ADAM22: variants seen among roughly 807,000 people sequenced by gnomAD.
ADAM22 encodes the protein disintegrin and metalloproteinase domain-containing protein 22.
Under a neutral mutation model 144.6 loss-of-function variants are expected in ADAM22, and 65 were observed. The ratio of observed to expected loss-of-function variants is 0.45; its 90% CI spans 0.37 to 0.55. ADAM22 has a LOEUF of 0.55. ADAM22 is among the 20% of genes least tolerant of loss of function. ADAM22 has a pLI of 0.00. For synonymous variants in ADAM22, 391 were observed against 412.6 expected, an observed-to-expected ratio of 0.95 and a Z score of 0.63; for missense variants, 974 against 1,184.9, an observed-to-expected ratio of 0.82 and a Z score of 2.61.
At chr7:88,125,685 G>A (rs765254626) in intron 8 of ADAM22, 26 bp downstream of exon 8, 2 of 1,530,404 alleles carry the variant, frequency 1.3e-6, no homozygotes, top group Non-Finnish European at 1.8e-6. Context: ...GGTGTGTCGT[G>A]TTATTTTAAA....
intron 4 of ADAM22, among the ~76,000 whole-genome samples, chr7:88,094,293 G>A (rs148513757): frequency 2.5e-3 from 377 of 152,282 alleles, no homozygotes; most frequent in African/African-American, 8.7e-3. Context: ...AGACTTTCTT[G>A]AGGAAATGAT....
At chr7:87,985,874 TGCTAA>T (rs1209638034) in intron 3 of ADAM22, among the ~76,000 whole-genome samples, 1 of 152,192 alleles carries the variant, frequency 6.6e-6, no homozygotes, top group Non-Finnish European at 1.5e-5. Flanking sequence ...CTTTGAGAAA[TGCTAA>T]GCTATTTTCC....
intron 2 of ADAM22, chr7:87,964,622 A>T: frequency 4.8e-6 from 2 of 418,488 alleles, no homozygotes; most frequent in Admixed American, 2.9e-5. Flanking sequence ...TACTCATTTA[A>T]TTTTTTTTTA....
intron 25 of ADAM22, 26 bp from the exon 26 acceptor site, chr7:88,171,518 C>T (rs982545275): frequency 2.5e-5 from 39 of 1,582,376 alleles, no homozygotes; most frequent in Non-Finnish European, 3.2e-5. Context: ...ATGTTTTTCC[C>T]TCTTTCTCTT....
At chr7:87,960,388 G>A (rs1281189979) in intron 2 of ADAM22, among the ~76,000 whole-genome samples, 2 of 151,648 alleles carry the variant, frequency 1.3e-5, no homozygotes. Flanking sequence ...GTGTGTGTGT[G>A]TGTGTGTGTC....
intron 3 of ADAM22, among the ~76,000 whole-genome samples, chr7:88,059,031 T>C (rs376081267): frequency 4.6e-5 from 7 of 152,282 alleles, no homozygotes; most frequent in African/African-American, 1.7e-4. Context: ...CAGGAGGGTG[T>C]ACTGATTTCT....
chr7:88,127,187 A>AT (rs1399889218), intron 8 of ADAM22, among the ~76,000 whole-genome samples: 3 of 151,900 alleles, frequency 2.0e-5, no homozygotes, highest in Non-Finnish European at 4.4e-5. Flanking sequence ...GTGAAACAGT[A>AT]TTTTTTTGAA....
chr7:88,119,581 T>TG (rs1828720447), intron 7 of ADAM22, among the ~76,000 whole-genome samples: 1 of 152,080 alleles, frequency 6.6e-6, no homozygotes, highest in Admixed American at 6.5e-5. Context: ...CTCTGCCCCC[T>TG]GGGTTCAAGC....
chr7:88,012,291 A>G (rs1795621007), intron 3 of ADAM22, among the ~76,000 whole-genome samples: 1 of 152,116 alleles, frequency 6.6e-6, no homozygotes, highest in South Asian at 2.1e-4. Flanking sequence ...TAACCTAGTA[A>G]TCATAAATTC....
chr7:87,971,976 G>T (rs1159218906), intron 2 of ADAM22, among the ~76,000 whole-genome samples: 1 of 152,192 alleles, frequency 6.6e-6, no homozygotes, highest in Non-Finnish European at 1.5e-5. Flanking sequence ...GGATCACGAG[G>T]TCAGGAGATC....
intron 2 of ADAM22, among the ~76,000 whole-genome samples, chr7:87,936,751 TTAC>T (rs1339924630): frequency 1.3e-5 from 2 of 152,014 alleles, no homozygotes; most frequent in Admixed American, 6.6e-5. Flanking sequence ...GAGTAATTTC[TTAC>T]TACTATCAAA....
rs1554478727 is a variant in ADAM22, at chr7:88,113,703, A to AATGTGTATATATATATATATAT, written c.474-879_474-878insGTGTATATATATATATATATAT. ...TATATATATTATAAATAAATAAATA[A>AATGTGTATATATATATATATAT]ATATATATATATATATATATATATA... On this transcript the variant is annotated intron_variant, in intron 5 of 31. Transcript: ENST00000413139. 2.3e-4 allele frequency among the ~76,000 whole-genome samples: 11 copies of AATGTGTATATATATATATATAT among 48,108 alleles called. 1 individual carries two copies. Among genetic ancestry groups the AATGTGTATATATATATATATAT allele is most frequent in the East Asian group, 1.4e-3 (1 of 720 alleles). The allele number at this position is 48,108 out of a possible 152,430, so 31.6% of individuals were successfully genotyped here. A position where few individuals can be genotyped will look rare whatever the true frequency, so the allele number is the denominator to read the frequency against.
rs760053360 is a variant in ADAM22 at position 87,934,561 on chromosome 7, C to A, written c.85+11C>A. ...GCTGCGGCCAGGCAGGTAAGTTAGC[C>A]GTCCTCTGTGCCTTTGGGCCATACC... On this transcript the variant is annotated intron_variant, in intron 1 of 31. Transcript: ENST00000413139. The A allele has an allele frequency of 1.1e-5, 17 of 1,603,520 alleles. No homozygotes were observed. The Admixed American group carries it at 1.2e-4, about 11-fold the overall frequency.
At chr7:88,131,609 G>T (rs1586017252) in intron 11 of ADAM22, 174 bp downstream of exon 11, 1 of 581,246 alleles carries the variant, frequency 1.7e-6, no homozygotes, top group Non-Finnish European at 3.0e-6. Flanking sequence ...CCATGAAAAT[G>T]TAAAAGTTTT....
At chr7:88,034,165 C>T (rs1800951138) in intron 3 of ADAM22, among the ~76,000 whole-genome samples, 1 of 152,168 alleles carries the variant, frequency 6.6e-6, no homozygotes, top group South Asian at 2.1e-4. Flanking sequence ...GAAGTCAGCA[C>T]ATCTCAGAGT....
chr7:88,111,851 G>A (rs1025838981), intron 5 of ADAM22, among the ~76,000 whole-genome samples: 1 of 152,084 alleles, frequency 6.6e-6, no homozygotes, highest in Non-Finnish European at 1.5e-5. Context: ...GCAATCTAGA[G>A]TCTTCTGAGA....
chr7:88,182,858 A>G (rs1197099600), intron 29 of ADAM22, among the ~76,000 whole-genome samples: 6 of 152,102 alleles, frequency 3.9e-5, no homozygotes, highest in African/African-American at 1.4e-4. Flanking sequence ...TATCCTTCCT[A>G]AAATTTTTTA....
At chr7:88,110,527 C>T (rs1825717665) in intron 5 of ADAM22, among the ~76,000 whole-genome samples, 1 of 151,884 alleles carries the variant, frequency 6.6e-6, no homozygotes, top group Non-Finnish European at 1.5e-5. Context: ...AGAATGATAC[C>T]TGTTACTAAT....
chr7:88,162,027 TCA>T (rs1841791473), intron 22 of ADAM22, among the ~76,000 whole-genome samples: 2 of 151,114 alleles, frequency 1.3e-5, no homozygotes, highest in African/African-American at 4.9e-5. Flanking sequence ...GCAGCACTGT[TCA>T]CAGTCTCAAA....
Sources: allele counts gnomAD v4.1 joint callset (sites outside exome capture counted in the v4.1 genomes callset), GRCh38; gene constraint gnomAD v4.1.1; transcripts MANE v1.5; gene names NCBI Gene and HGNC (gene_info 2026-07-23, HGNC 2026-07-21).